Variants in PRKN observed in about 807,000 individuals in gnomAD.
PRKN encodes E3 ubiquitin-protein ligase parkin.
In PRKN, 56 loss-of-function variants were observed where a neutral mutation model predicts 59.5. The observed-to-expected ratio is 0.94, with a 90% confidence interval of 0.76 to 1.18. The LOEUF is 1.18. PRKN is among the 50% of genes most tolerant of loss of function. PRKN has a pLI of 0.00. For missense variants in PRKN, 657 were observed against 596.4 expected, an observed-to-expected ratio of 1.10 and a Z score of -1.06; for synonymous variants, 250 against 222.1, an observed-to-expected ratio of 1.13 and a Z score of -1.12.
chr6:161,514,306 T>A (rs1244596034), intron 9 of PRKN, among the ~76,000 whole-genome samples: 1 of 151,694 alleles, frequency 6.6e-6, no homozygotes, highest in Non-Finnish European at 1.5e-5. Flanking sequence ...CAGACAGGAG[T>A]TGGATGGTGA....
chr6:161,695,741 T>C (rs1054021856), intron 7 of PRKN, among the ~76,000 whole-genome samples: 1 of 152,144 alleles, frequency 6.6e-6, no homozygotes, highest in Non-Finnish European at 1.5e-5. Context: ...TGAGGATTAA[T>C]GGGGACAAAA....
rs138911423 is a variant in PRKN at position 162,710,374 on chromosome 6, A to AACACACACACACACACACACACAC, written c.7+17264_7+17287dup. ...CAGAAAGCCCCTGGCACCCCCTACA[A>AACACACACACACACACACACACAC]ACACACACACACACACACACACACA... On this transcript the variant is annotated intron_variant, in intron 1 of 11. Transcript: ENST00000366898. 3.5e-3 allele frequency among the ~76,000 whole-genome samples: 436 copies of AACACACACACACACACACACACAC among 125,274 alleles called. 12 individuals are homozygous for AACACACACACACACACACACACAC. The highest frequency in any genetic ancestry group is 0.014 in the African/African-American group (408 of 29,216). 82.2% of individuals were successfully genotyped at this position (125,274 alleles called of 152,430 possible).
chr6:161,507,303 T>C (rs1340137690), intron 9 of PRKN, among the ~76,000 whole-genome samples: 2 of 152,180 alleles, frequency 1.3e-5, no homozygotes, highest in Non-Finnish European at 2.9e-5. Flanking sequence ...TAAGTATCTT[T>C]TCAGTGTGGC....
chr6:162,644,727 T>C (rs879799193), intron 1 of PRKN, among the ~76,000 whole-genome samples: 1 of 152,118 alleles, frequency 6.6e-6, no homozygotes, highest in Non-Finnish European at 1.5e-5. Context: ...TTATGAAAAA[T>C]AAATTTCAGA....
At chr6:162,225,585 C>G (rs1778135148) in intron 3 of PRKN, among the ~76,000 whole-genome samples, 1 of 152,128 alleles carries the variant, frequency 6.6e-6, no homozygotes, top group Non-Finnish European at 1.5e-5. Flanking sequence ...AACCTGAGAT[C>G]TCTGCTGTGC....
intron 2 of PRKN, among the ~76,000 whole-genome samples, chr6:162,323,593 G>T (rs144380358): frequency 2.0e-5 from 3 of 151,774 alleles, no homozygotes; most frequent in Non-Finnish European, 4.4e-5. Context: ...CTAAGAAAAA[G>T]ATTTAAACAA....
At chr6:162,443,265 A>G (rs903830343) in intron 2 of PRKN, 45 bp downstream of exon 2, 13 of 1,603,824 alleles carry the variant, frequency 8.1e-6, no homozygotes, top group Non-Finnish European at 1.1e-5. Context: ...GGCATGAGCA[A>G]TGGAGCTGGC....
intron 6 of PRKN, among the ~76,000 whole-genome samples, chr6:161,808,875 C>CT (rs1289610873): frequency 1.3e-5 from 2 of 152,186 alleles, no homozygotes; most frequent in African/African-American, 4.8e-5. Context: ...GGGTCTCACT[C>CT]TGTTGCTGAG....
chr6:161,603,101 T>C (rs1056717744), intron 7 of PRKN, among the ~76,000 whole-genome samples: 5 of 152,140 alleles, frequency 3.3e-5, no homozygotes, highest in African/African-American at 1.2e-4. Flanking sequence ...ACATTAAGGG[T>C]TGGATCCACA....
chr6:162,394,229 G>C (rs1787360948), intron 2 of PRKN, among the ~76,000 whole-genome samples: 1 of 152,160 alleles, frequency 6.6e-6, no homozygotes, highest in Non-Finnish European at 1.5e-5. Context: ...GTTCAGAAGA[G>C]GAGGTGCAAT....
intron 1 of PRKN, among the ~76,000 whole-genome samples, chr6:162,498,588 G>A (rs1793209031): frequency 6.6e-6 from 1 of 150,752 alleles, no homozygotes; most frequent in South Asian, 2.1e-4. Flanking sequence ...TGGGATTACA[G>A]GTGTGCACCA....
At chr6:161,757,931 C>CTATATATATATATA (rs1789018975) in intron 7 of PRKN, among the ~76,000 whole-genome samples, 1 of 135,742 alleles carries the variant, frequency 7.4e-6, no homozygotes, top group African/African-American at 2.9e-5. Flanking sequence ...ATCTCTCTCT[C>CTATATATATATATA]TGTATATATA....
At chr6:162,333,831 G>A (rs1388072683) in intron 2 of PRKN, among the ~76,000 whole-genome samples, 1 of 152,176 alleles carries the variant, frequency 6.6e-6, no homozygotes, top group African/African-American at 2.4e-5. Context: ...TTTGCACCAG[G>A]TTGGCTGTAC....
chr6:162,126,509 T>C (rs900104049), intron 4 of PRKN, among the ~76,000 whole-genome samples: 3 of 152,212 alleles, frequency 2.0e-5, no homozygotes, highest in Non-Finnish European at 4.4e-5. Flanking sequence ...ATGGTTCATT[T>C]TGGAATAGCA....
chr6:162,727,207 G>C (rs929441398), intron 1 of PRKN: 1 of 162,840 alleles, frequency 6.1e-6, no homozygotes, highest in Non-Finnish European at 1.3e-5. Context: ...ATGCTTTGCT[G>C]CGGTTTCCTG....
At chr6:162,648,330 A>G (rs1778277127) in intron 1 of PRKN, among the ~76,000 whole-genome samples, 1 of 151,810 alleles carries the variant, frequency 6.6e-6, no homozygotes, top group East Asian at 1.9e-4. Context: ...AAAGCATGGC[A>G]GCATTCTTTC....
chr6:162,506,546 C>T (rs1459608458), intron 1 of PRKN, among the ~76,000 whole-genome samples: 1 of 152,160 alleles, frequency 6.6e-6, no homozygotes, highest in African/African-American at 2.4e-5. Flanking sequence ...CAAATATGGA[C>T]TTACCTTCTA....
chr6:161,672,201 C>A (rs1784934539), intron 7 of PRKN, among the ~76,000 whole-genome samples: 1 of 152,088 alleles, frequency 6.6e-6, no homozygotes, highest in Non-Finnish European at 1.5e-5. Context: ...ACAGGAGATG[C>A]AGATAACGTG....
chr6:162,249,106 T>C (rs1032639267), intron 3 of PRKN, among the ~76,000 whole-genome samples: 5 of 152,092 alleles, frequency 3.3e-5, no homozygotes, highest in African/African-American at 7.2e-5. Context: ...TCTCGATCTC[T>C]TGACCTCGTG....
Sources: gnomAD v4.1 joint callset for allele counts (sites outside exome capture counted in the v4.1 genomes callset) on GRCh38, gnomAD v4.1.1 for gene constraint, MANE v1.5 for transcripts, NCBI Gene and HGNC (gene_info 2026-07-23, HGNC 2026-07-21) for gene names.